EYS: variants seen among roughly 807,000 people sequenced by gnomAD.
EYS encodes the protein EGF-like photoreceptor maintenance factor.
In EYS, 250 loss-of-function variants were observed where a neutral mutation model predicts 282.1. The observed-to-expected ratio is 0.89, with a 90% CI of 0.80 to 0.98. The LOEUF is 0.98. EYS is among the 50% of genes least tolerant of loss of function. The probability of loss-of-function intolerance (pLI) is 0.00; values close to 1 mark genes in which losing one functional copy is unlikely to be tolerated. For synonymous variants in EYS, 1,355 were observed against 1,282.9 expected, an observed-to-expected ratio of 1.06 and a Z score of -1.20; for missense variants, 4,016 against 3,709.0, an observed-to-expected ratio of 1.08 and a Z score of -2.15.
intron 28 of EYS, among the ~76,000 whole-genome samples, chr6:64,393,591 C>T (rs1414224959): frequency 1.3e-5 from 2 of 152,012 alleles, no homozygotes; most frequent in Non-Finnish European, 2.9e-5. Flanking sequence ...ACCCTTCATG[C>T]TAAAAACTCT....
At chr6:65,626,908 C>A (rs1330310262) in intron 2 of EYS, among the ~76,000 whole-genome samples, 37 of 150,554 alleles carry the variant, frequency 2.5e-4, no homozygotes, top group African/African-American at 2.9e-4. Context: ...AAAAAAAACA[C>A]ACACACACAC....
At chr6:64,330,355 T>C (rs746007800) in intron 29 of EYS, among the ~76,000 whole-genome samples, 1 of 152,076 alleles carries the variant, frequency 6.6e-6, no homozygotes, top group Non-Finnish European at 1.5e-5. Flanking sequence ...CTGGTTTGTC[T>C]CACATTTGGA....
chr6:65,134,441 T>C (rs964962804), intron 12 of EYS, among the ~76,000 whole-genome samples: 11 of 152,080 alleles, frequency 7.2e-5, no homozygotes, highest in Non-Finnish European at 2.9e-5. Context: ...ATCATGTCCT[T>C]TGCAGGGACA....
intron 14 of EYS, among the ~76,000 whole-genome samples, chr6:64,996,154 A>C (rs1437230834): frequency 2.0e-5 from 3 of 152,178 alleles, no homozygotes; most frequent in African/African-American, 7.2e-5. Flanking sequence ...CAAATATATT[A>C]GGTCCAGAGG....
chr6:64,811,931 T>A (rs1764608511), intron 22 of EYS, among the ~76,000 whole-genome samples: 1 of 152,124 alleles, frequency 6.6e-6, no homozygotes, highest in Non-Finnish European at 1.5e-5. Context: ...AAATACACAT[T>A]TTAGGTTTAT....
intron 24 of EYS, among the ~76,000 whole-genome samples, chr6:64,594,091 T>G (rs920546510): frequency 6.6e-6 from 1 of 152,164 alleles, no homozygotes; most frequent in African/African-American, 2.4e-5. Context: ...TTGTTAAATA[T>G]TACATCTAAT....
intron 26 of EYS, among the ~76,000 whole-genome samples, chr6:64,509,088 A>G (rs994010259): frequency 4.6e-5 from 7 of 152,178 alleles, no homozygotes; most frequent in Admixed American, 3.3e-4. Flanking sequence ...TGAAAGAAGA[A>G]AAATGTTAGT....
At chr6:65,151,800 T>A (rs183349431) in intron 12 of EYS, among the ~76,000 whole-genome samples, 1 of 152,078 alleles carries the variant, frequency 6.6e-6, no homozygotes, top group East Asian at 1.9e-4. Flanking sequence ...TTGGACATAG[T>A]CTCTTAATAA....
chr6:65,267,090 C>A (rs1345305270), intron 12 of EYS, among the ~76,000 whole-genome samples: 1 of 151,308 alleles, frequency 6.6e-6, no homozygotes, highest in Non-Finnish European at 1.5e-5. Flanking sequence ...CTGTACATGT[C>A]TCTCAAGCAG....
intron 35 of EYS, among the ~76,000 whole-genome samples, chr6:63,927,173 G>C (rs9450379): frequency 6.6e-6 from 1 of 152,114 alleles, no homozygotes; most frequent in Admixed American, 6.5e-5. Flanking sequence ...GTTTGTTTCC[G>C]CAGAAAAGTA....
chr6:64,560,150 T>C (rs887455904), intron 26 of EYS, among the ~76,000 whole-genome samples: 5 of 152,108 alleles, frequency 3.3e-5, no homozygotes, highest in Non-Finnish European at 5.9e-5. Context: ...ATTTTTATAG[T>C]TCATACCAAA....
intron 2 of EYS, among the ~76,000 whole-genome samples, chr6:65,589,640 T>C (rs1339161510): frequency 6.6e-6 from 1 of 151,996 alleles, no homozygotes; most frequent in Non-Finnish European, 1.5e-5. Flanking sequence ...TTTTTAGAAA[T>C]TGGCTACATT....
At chr6:64,475,450 C>T (rs1454721328) in intron 26 of EYS, among the ~76,000 whole-genome samples, 1 of 112,158 alleles carries the variant, frequency 8.9e-6, no homozygotes, top group Admixed American at 9.5e-5. Flanking sequence ...ACTTGGGAGG[C>T]TGAGGCAGGA....
intron 28 of EYS, among the ~76,000 whole-genome samples, chr6:64,395,574 T>C (rs1035520348): frequency 6.7e-6 from 1 of 149,062 alleles, no homozygotes; most frequent in African/African-American, 2.5e-5. Flanking sequence ...TAGGTGGGAA[T>C]TGAACAATGA....
At chr6:64,353,508 C>G (rs1265049898) in intron 29 of EYS, among the ~76,000 whole-genome samples, 1 of 151,564 alleles carries the variant, frequency 6.6e-6, no homozygotes, top group Non-Finnish European at 1.5e-5. Context: ...ATTTCAAGGG[C>G]ATTAGGAAAA....
intron 12 of EYS, among the ~76,000 whole-genome samples, chr6:65,285,390 A>G (rs1456063611): frequency 6.6e-6 from 1 of 151,990 alleles, no homozygotes; most frequent in Non-Finnish European, 1.5e-5. Context: ...AAAGATAGAG[A>G]AATCACTTAG....
Position 64,194,750 on chromosome 6 carries a change from T to G in EYS, c.6424+35842A>C, listed in dbSNP as rs1338109464. On this transcript the variant is annotated intron_variant, in intron 31 of 42. Transcript: ENST00000503581. ...TGTTATATATATATTCAAAATATAT[T>G]GCTTATTAATTTTACTATTCTAATC... 2.0e-5 allele frequency among the ~76,000 whole-genome samples: 3 copies of G among 152,122 alleles called. No individual in the cohort carries two copies. In the South Asian group the frequency reaches 6.2e-4, roughly 31 times the overall value.
intron 31 of EYS, among the ~76,000 whole-genome samples, chr6:64,158,362 G>T (rs1044690524): frequency 1.4e-5 from 2 of 144,504 alleles, no homozygotes; most frequent in African/African-American, 5.8e-5. Context: ...ATGTAAAAGT[G>T]ATATTTTTGA....
chr6:65,619,284 G>A (rs1766366671), intron 2 of EYS, among the ~76,000 whole-genome samples: 1 of 151,304 alleles, frequency 6.6e-6, no homozygotes, highest in African/African-American at 2.4e-5. Flanking sequence ...TTGTAAGTTG[G>A]ATTCCTAGGT....
Sources: allele counts gnomAD v4.1 joint callset (sites outside exome capture counted in the v4.1 genomes callset), GRCh38; gene constraint gnomAD v4.1.1; transcripts MANE v1.5; gene names NCBI Gene and HGNC (gene_info 2026-07-23, HGNC 2026-07-21).